LRRC72: variants seen among roughly 807,000 people sequenced by gnomAD.
The protein encoded by LRRC72 is leucine-rich repeat-containing protein 72.
Under a neutral mutation model 35.8 loss-of-function variants are expected in LRRC72, and 41 were observed. The ratio of observed to expected loss-of-function variants is 1.15; its 90% CI spans 0.89 to 1.49. The LOEUF (loss-of-function observed/expected upper bound fraction) is 1.49, where lower values mean the gene tolerates loss of function less well. Among genes scored for constraint, LRRC72 ranks in the 40% most tolerant of loss-of-function variants. The pLI is 0.00. For missense variants in LRRC72, 389 were observed against 330.7 expected (o/e 1.18, Z -1.37); for synonymous variants, 118 against 119.2 (o/e 0.99, Z 0.07).
At chr7:16,534,032 G>A (rs1048440465) in intron 2 of LRRC72, among the ~76,000 whole-genome samples, 1 of 152,146 alleles carries the variant, frequency 6.6e-6, no homozygotes, top group Admixed American at 6.5e-5. Flanking sequence ...GACTCCTTGT[G>A]AGAAGGATAA....
At chr7:16,533,110 C>CA (rs1412327543) in intron 2 of LRRC72, among the ~76,000 whole-genome samples, 1 of 152,092 alleles carries the variant, frequency 6.6e-6, no homozygotes, top group Non-Finnish European at 1.5e-5. Flanking sequence ...TACTGGTACA[C>CA]AGCAAGCACT....
intron 6 of LRRC72, among the ~76,000 whole-genome samples, chr7:16,567,099 T>G (rs908508411): frequency 1.3e-5 from 2 of 152,160 alleles, no homozygotes; most frequent in African/African-American, 2.4e-5. Flanking sequence ...CTTGAGGAAA[T>G]GAAAGGATGT....
chr7:16,531,369 T>C (rs867714818), intron 1 of LRRC72, among the ~76,000 whole-genome samples: 23 of 152,162 alleles, frequency 1.5e-4, no homozygotes, highest in African/African-American at 5.5e-4. Context: ...GCTTGCTTAT[T>C]AACAAGGCAT....
In LRRC72 at chr7:16,558,888, G is replaced by GGT. The variant is rs1782696077; in HGVS notation, c.317_318dup (p.Leu107ValfsTer18). 1.4e-6 allele frequency: 2 copies of GGT among 1,410,568 alleles called. No homozygotes were observed. The highest frequency in any genetic ancestry group is 2.9e-5 in the African/African-American group (2 of 68,320). 87.4% of individuals were successfully genotyped at this position (1,410,568 alleles called of 1,614,324 possible). A position where few individuals can be genotyped will look rare whatever the true frequency, so the allele number is the denominator to read the frequency against. ...TTGTAAAAATATTCTGTTTTTTTTA[G>GGT]GTCTGCATTATTTGCCTTCATTGCA... is the stretch of plus-strand genomic sequence containing the variant. On this transcript the variant is annotated frameshift_variant and splice_region_variant. Transcript: ENST00000401542. LOFTEE classifies it high-confidence loss of function.
chr7:16,541,632 G>A (rs1187330435), intron 3 of LRRC72, among the ~76,000 whole-genome samples: 1 of 152,186 alleles, frequency 6.6e-6, no homozygotes, highest in Admixed American at 6.5e-5. Context: ...ACATACTGCT[G>A]GCTGGGCACG....
At chr7:16,558,292 A>C (rs918212591) in intron 4 of LRRC72, among the ~76,000 whole-genome samples, 20 of 152,170 alleles carry the variant, frequency 1.3e-4, no homozygotes, top group African/African-American at 4.6e-4. Context: ...CAATCAAACA[A>C]ACAAAATCAT....
At position 16,534,425 on chromosome 7, in the gene LRRC72, G is replaced by T. The variant is rs139733039; in HGVS notation, c.164+1857G>T. Among the ~76,000 whole-genome samples the T allele has an allele frequency of 2.6e-5, 4 of 151,988 alleles. No homozygotes were observed. In the South Asian group the frequency reaches 8.3e-4, roughly 32 times the overall value. On this transcript the variant is annotated intron_variant, in intron 2 of 8. Coordinates refer to ENST00000401542, the MANE Select transcript of LRRC72 (RefSeq NM_001195280.2). ...TGAATTTATATGATATCAGATGTGG[G>T]CTCGTAAAAGTTTTTTAAAAATTAA...
rs1782863936 is a variant in LRRC72 at position 16,567,376 on chromosome 7, T to C, written c.518-15T>C. 1 of 1,437,426 alleles carries C rather than the reference T, an allele frequency of 7.0e-7. No homozygotes were observed. The highest frequency in any genetic ancestry group is 9.2e-7 in the Non-Finnish European group (1 of 1,083,246). The allele number at this position is 1,437,426 out of a possible 1,614,324, so 89.0% of individuals were successfully genotyped here. ...TATAATGTTATGCAATAACATTACT[T>C]TTTGCATTTATCAGAAGTTACAGAA... On this transcript the variant is annotated splice_polypyrimidine_tract_variant and intron_variant, in intron 6 of 8. Transcript: ENST00000401542.
chr7:16,559,092 G>A (rs1007842203), intron 5 of LRRC72, 93 bp downstream of exon 5: 43 of 723,266 alleles, frequency 5.9e-5, no homozygotes, highest in Non-Finnish European at 8.6e-5. Context: ...GAGAGGCAAT[G>A]TTTATAATTA....
At chr7:16,540,526 T>C (rs957371126) in intron 3 of LRRC72, among the ~76,000 whole-genome samples, 7 of 152,082 alleles carry the variant, frequency 4.6e-5, no homozygotes, top group Admixed American at 3.9e-4. Context: ...TGTTTTGAAA[T>C]GTGAGAAAGA....
chr7:16,564,808 A>AT (rs11442050), intron 5 of LRRC72, among the ~76,000 whole-genome samples: 39,032 of 148,660 alleles, frequency 0.26, 5,211 homozygotes, highest in South Asian at 0.47. Context: ...CAGATGATTG[A>AT]TTTTTTTTTT....
intron 7 of LRRC72, among the ~76,000 whole-genome samples, chr7:16,574,403 T>G (rs945692052): frequency 1.6e-4 from 25 of 152,160 alleles, no homozygotes; most frequent in Admixed American, 1.2e-3. Context: ...CCAACCCAAA[T>G]GCCCATCAAT....
At chr7:16,546,753 T>G (rs1283608622) in intron 3 of LRRC72, among the ~76,000 whole-genome samples, 1 of 152,106 alleles carries the variant, frequency 6.6e-6, no homozygotes, top group Non-Finnish European at 1.5e-5. Context: ...GTGCACTGGC[T>G]TGTCCCCAGT....
At chr7:16,563,163 A>G (rs1200419438) in intron 5 of LRRC72, among the ~76,000 whole-genome samples, 1 of 152,194 alleles carries the variant, frequency 6.6e-6, no homozygotes, top group Non-Finnish European at 1.5e-5. Context: ...CTTATTAATT[A>G]CATCAACTTT....
intron 5 of LRRC72, among the ~76,000 whole-genome samples, chr7:16,563,510 G>C (rs983560521): frequency 6.6e-6 from 1 of 152,198 alleles, no homozygotes; most frequent in Admixed American, 6.5e-5. Flanking sequence ...CCTATTGAAA[G>C]TGAAAGTGTA....
rs983309952 is a variant in LRRC72 at position 16,543,453 on chromosome 7, T to G, written c.234+5757T>G. The stretch of plus-strand genomic sequence containing the variant: ...TATTCACTTATTCAATCCACAATAT[T>G]TATTGAAGTATATGAGGTCATTATT... On this transcript the variant is annotated intron_variant, in intron 3 of 8. Transcript: ENST00000401542. Among the ~76,000 whole-genome samples, 26 of 152,308 alleles carry G rather than the reference T, an allele frequency of 1.7e-4. No homozygotes were observed. The South Asian group carries it at 3.3e-3, about 19-fold the overall frequency.
intron 2 of LRRC72, among the ~76,000 whole-genome samples, chr7:16,534,597 C>T (rs952394052): frequency 2.0e-5 from 3 of 152,088 alleles, no homozygotes; most frequent in East Asian, 3.9e-4. Context: ...AAACAACTTT[C>T]GCGCCACTGC....
At chr7:16,532,068 AC>A (rs1782174748) in intron 1 of LRRC72, among the ~76,000 whole-genome samples, 1 of 152,222 alleles carries the variant, frequency 6.6e-6, no homozygotes, top group Admixed American at 6.5e-5. Context: ...ATAATAACAT[AC>A]ATTTTATCCT....
chr7:16,577,888 AG>A (rs1783069990), intron 7 of LRRC72, among the ~76,000 whole-genome samples: 2 of 152,200 alleles, frequency 1.3e-5, no homozygotes, highest in Admixed American at 6.5e-5. Flanking sequence ...GTTAAAGATG[AG>A]GGGGGAACGA....
Sources: gnomAD v4.1 joint callset for allele counts (sites outside exome capture counted in the v4.1 genomes callset) on GRCh38, gnomAD v4.1.1 for gene constraint, MANE v1.5 for transcripts, NCBI Gene and HGNC (gene_info 2026-07-23, HGNC 2026-07-21) for gene names.